The following CNBD1 variants were observed in gnomAD, a reference collection of about 807,000 sequenced individuals.
The protein encoded by CNBD1 is cyclic nucleotide binding domain containing 1.
A neutral mutation model predicts 54.4 loss-of-function variants in CNBD1; 71 were observed. The ratio of observed to expected loss-of-function variants is 1.30; its 90% CI spans 1.08 to 1.59. The LOEUF is 1.59. CNBD1 is among the 40% of genes most tolerant of loss of function. The pLI is 0.00. For missense variants in CNBD1, 659 were observed against 518.0 expected, an observed-to-expected ratio of 1.27 and a Z score of -2.64; for synonymous variants, 182 against 170.7, an observed-to-expected ratio of 1.07 and a Z score of -0.51.
intron 8 of CNBD1, among the ~76,000 whole-genome samples, chr8:87,341,290 G>T (rs560394093): frequency 6.6e-6 from 1 of 151,986 alleles, no homozygotes; most frequent in South Asian, 2.1e-4. Flanking sequence ...AGAGTATGCT[G>T]GGTCTCATCA....
intron 4 of CNBD1, among the ~76,000 whole-genome samples, chr8:87,042,675 T>G (rs1156308448): frequency 6.6e-6 from 1 of 152,166 alleles, no homozygotes; most frequent in Non-Finnish European, 1.5e-5. Flanking sequence ...GTGTGTTATA[T>G]TCATCTGTTT....
intron 4 of CNBD1, among the ~76,000 whole-genome samples, chr8:87,027,038 G>A (rs1036556692): frequency 6.6e-6 from 1 of 151,890 alleles, no homozygotes; most frequent in Non-Finnish European, 1.5e-5. Context: ...ATTTCCTTAA[G>A]TCATGTGAAC....
chr8:87,397,729 T>A (rs761198329), intron 2 of CNBD1, among the ~76,000 whole-genome samples: 2 of 152,000 alleles, frequency 1.3e-5, no homozygotes, highest in Non-Finnish European at 2.9e-5. Context: ...TCTGGTATAG[T>A]CTAGCTCTTT....
At chr8:87,342,715 A>T (rs547383096) in intron 8 of CNBD1, among the ~76,000 whole-genome samples, 1 of 152,206 alleles carries the variant, frequency 6.6e-6, no homozygotes, top group East Asian at 1.9e-4. Context: ...GCAGGTTTTT[A>T]TTAGGGATTT....
intron 10 of CNBD1, among the ~76,000 whole-genome samples, chr8:87,371,679 C>T: frequency 6.6e-6 from 1 of 151,810 alleles, no homozygotes; most frequent in South Asian, 2.1e-4. Context: ...AAGGCTGGTT[C>T]AATATATGCA....
chr8:87,355,494 G>T (rs912959651), intron 10 of CNBD1, among the ~76,000 whole-genome samples: 1 of 151,900 alleles, frequency 6.6e-6, no homozygotes, highest in African/African-American at 2.4e-5. Flanking sequence ...GAATAATAAT[G>T]CAGCCACCTG....
chr8:87,278,257 A>G (rs1260006355), intron 6 of CNBD1, among the ~76,000 whole-genome samples: 2 of 151,658 alleles, frequency 1.3e-5, no homozygotes, highest in Non-Finnish European at 3.0e-5. Context: ...AATATAGTAG[A>G]AACAATATTT....
At chr8:87,025,325 T>C (rs1809616618) in intron 4 of CNBD1, among the ~76,000 whole-genome samples, 1 of 152,126 alleles carries the variant, frequency 6.6e-6, no homozygotes, top group Non-Finnish European at 1.5e-5. Flanking sequence ...TTCCACTCTG[T>C]GGAAGGGTTG....
At chr8:87,129,084 AAAAAAAAG>A (rs1384485393) in intron 4 of CNBD1, among the ~76,000 whole-genome samples, 3 of 146,182 alleles carry the variant, frequency 2.1e-5, no homozygotes, top group Admixed American at 6.8e-5. Flanking sequence ...AAAAAAAAAA[AAAAAAAAG>A]AATTTTGCTA....
chr8:87,409,747 G>A (rs961599511), intron 2 of CNBD1, among the ~76,000 whole-genome samples: 2 of 152,114 alleles, frequency 1.3e-5, no homozygotes, highest in African/African-American at 4.8e-5. Context: ...ATTTGGCTGG[G>A]TGTGGTGGCT....
intron 4 of CNBD1, among the ~76,000 whole-genome samples, chr8:87,119,010 C>G (rs1018798910): frequency 6.6e-6 from 1 of 152,162 alleles, no homozygotes; most frequent in African/African-American, 2.4e-5. Flanking sequence ...TATGCACTTT[C>G]ATTTAACAAA....
chr8:87,362,688 C>A (rs57645517), intron 10 of CNBD1, among the ~76,000 whole-genome samples: 4,577 of 152,060 alleles, frequency 0.03, 226 homozygotes, highest in African/African-American at 0.1. Flanking sequence ...TCTTTAAGGA[C>A]TCAGAAAAGA....
At chr8:87,411,848 A>G (rs1228854488) in intron 2 of CNBD1, among the ~76,000 whole-genome samples, 3 of 151,972 alleles carry the variant, frequency 2.0e-5, no homozygotes, top group Non-Finnish European at 1.5e-5. Flanking sequence ...CAATAATAAT[A>G]TAATAAGTGA....
intron 2 of CNBD1, among the ~76,000 whole-genome samples, chr8:87,413,330 G>C (rs190577450): frequency 6.6e-6 from 1 of 151,970 alleles, no homozygotes; most frequent in African/African-American, 2.4e-5. Flanking sequence ...AATTTCTATA[G>C]TTGTGTTTTA....
At chr8:86,944,338 G>T (rs985349036) in intron 4 of CNBD1, among the ~76,000 whole-genome samples, 3 of 152,088 alleles carry the variant, frequency 2.0e-5, no homozygotes, top group African/African-American at 7.2e-5. Flanking sequence ...CAATATCTTT[G>T]CCCTCATGGA....
At position 87,326,370 on chromosome 8, in the gene CNBD1, G is replaced by A. The variant is rs1381217215; in HGVS notation, c.1043-25315G>A. On this transcript the variant is annotated intron_variant, in intron 8 of 10. Coordinates refer to ENST00000518476, the MANE Select transcript of CNBD1 (RefSeq NM_173538.3). Reference sequence around the variant, plus strand: ...TGGCCTGCCTTGCTAGATTGGGGAAGTTCTCCTGGATAATATCCTGTAGAG... The same window carrying A: ...TGGCCTGCCTTGCTAGATTGGGGAAATTCTCCTGGATAATATCCTGTAGAG... Among the ~76,000 whole-genome samples, 18 of 126,046 alleles carry A rather than the reference G, an allele frequency of 1.4e-4. 2 individuals carry two copies. The highest frequency in any genetic ancestry group is 4.3e-4 in the African/African-American group (15 of 34,550). 82.7% of individuals were successfully genotyped at this position (126,046 alleles called of 152,430 possible).
chr8:87,308,094 C>G (rs998488577), intron 8 of CNBD1, among the ~76,000 whole-genome samples: 1 of 151,990 alleles, frequency 6.6e-6, no homozygotes, highest in Non-Finnish European at 1.5e-5. Flanking sequence ...TCTTTATAGC[C>G]CTGTGAAAAA....
chr8:87,339,859 A>G (rs774970229), intron 8 of CNBD1, among the ~76,000 whole-genome samples: 1 of 152,146 alleles, frequency 6.6e-6, no homozygotes, highest in Non-Finnish European at 1.5e-5. Flanking sequence ...ACGTATTTCT[A>G]TAATTATAAT....
intron 5 of CNBD1, among the ~76,000 whole-genome samples, chr8:87,210,251 C>T (rs1226605219): frequency 6.6e-6 from 1 of 152,134 alleles, no homozygotes; most frequent in Non-Finnish European, 1.5e-5. Context: ...TGGAAGTTCT[C>T]TTTAAAGGGA....
Sources: gnomAD v4.1 joint callset for allele counts (sites outside exome capture counted in the v4.1 genomes callset) on GRCh38, gnomAD v4.1.1 for gene constraint, MANE v1.5 for transcripts, NCBI Gene and HGNC (gene_info 2026-07-23, HGNC 2026-07-21) for gene names.